Variants in MELTF observed in about 807,000 individuals in gnomAD.
MELTF encodes melanotransferrin, also known as antigen p97 (melanoma associated) identified by monoclonal antibodies 133.2 and 96.5.
In MELTF, 67 loss-of-function variants were observed where a neutral mutation model predicts 83.7. That is an observed-to-expected ratio of 0.80 (90% CI 0.66 to 0.98). The LOEUF is 0.98. Among genes scored for constraint, MELTF ranks in the 50% least tolerant of loss-of-function variants. MELTF has a pLI of 0.00. For missense variants in MELTF, 1,002 were observed against 1,035.6 expected (o/e 0.97, Z 0.44); for synonymous variants, 462 against 447.6 (o/e 1.03, Z -0.41).
At chr3:197,019,916 T>A (rs1719553111) in intron 6 of MELTF, 1 of 1,397,100 alleles carries the variant, frequency 7.2e-7, no homozygotes, top group Admixed American at 2.8e-5. Flanking sequence ...GTGTGTTTGC[T>A]GCTTGCTGGC....
chr3:197,010,553 G>C, intron 10 of MELTF, 145 bp downstream of exon 10: 1 of 663,890 alleles, frequency 1.5e-6, no homozygotes, highest in Non-Finnish European at 2.6e-6. Flanking sequence ...GCCTGGGGCA[G>C]GAGGGGCAGG....
chr3:197,007,663 G>A lies in MELTF; in HGVS notation c.1751-927C>T, dbSNP rs1249965457. Among the ~76,000 whole-genome samples, 1 of 152,198 alleles carries A rather than the reference G, an allele frequency of 6.6e-6. No homozygotes were observed. The highest frequency in any genetic ancestry group is 1.9e-4 in the East Asian group (1 of 5,186). On this transcript the variant is annotated intron_variant, in intron 13 of 15. Transcript: ENST00000296350. The surrounding 1 kb of genome is among the most constrained non-coding windows in gnomAD (Gnocchi z 4.3). The stretch of plus-strand genomic sequence containing the variant: ...TGTTCTTGGTAGGAGGCTGGGTGGG[G>A]GAGCTGGGCTGTGGCAACAGGAAGG...
chr3:197,017,884 A>C (rs1577938229), intron 6 of MELTF, among the ~76,000 whole-genome samples: 1 of 152,148 alleles, frequency 6.6e-6, no homozygotes, highest in South Asian at 2.1e-4. Flanking sequence ...CTCAAAAAAA[A>C]AGAAAGGCTT....
Position 197,015,482 on chromosome 3 carries a change from G to A in MELTF, c.1116C>T (p.Ser372=). The change falls in exon 9 of 16, where the codon TCC becomes TCT. Residue 372 remains serine (S), a synonymous_variant. Transcript: ENST00000296350. ...LPPYLRWCVL[S]TPEIQKCGDM... is the part of the protein sequence containing the mutation. Reference sequence around the variant, plus strand: ...CTCCACACTTCTGGATCTCGGGAGTGGAGAGCACACACCAGCGCAGGTAGG... The same window carrying A: ...CTCCACACTTCTGGATCTCGGGAGTAGAGAGCACACACCAGCGCAGGTAGG... The A allele has an allele frequency of 6.2e-7, 1 of 1,612,148 alleles. No individual in the cohort carries two copies. The highest frequency in any genetic ancestry group is 8.5e-7 in the Non-Finnish European group (1 of 1,179,460).
At chr3:197,027,650 GC>G (rs1719911290) in intron 2 of MELTF, 105 bp downstream of exon 2, 13 of 1,364,594 alleles carry the variant, frequency 9.5e-6, no homozygotes. Flanking sequence ...TATCGGCCGG[GC>G]CTGGCAGGGC....
intron 6 of MELTF, 52 bp from the exon 7 acceptor site, chr3:197,017,342 G>A (rs1437884962): frequency 1.4e-6 from 2 of 1,453,032 alleles, no homozygotes; most frequent in Admixed American, 2.6e-5. Context: ...GTTGGGGCGG[G>A]TGGCGGGGAA....
At chr3:197,005,018 T>C (rs1718927188) in intron 14 of MELTF, among the ~76,000 whole-genome samples, 1 of 152,198 alleles carries the variant, frequency 6.6e-6, no homozygotes, top group African/African-American at 2.4e-5. Flanking sequence ...CATGCGTCAG[T>C]TCACAATGTC....
In MELTF at chr3:197,006,439, G is replaced by A. The variant is rs953177296; in HGVS notation, c.1938+110C>T. On this transcript the variant is annotated intron_variant, in intron 14 of 15. Transcript: ENST00000296350. The surrounding 1 kb of genome is among the most constrained non-coding windows in gnomAD (Gnocchi z 5.4). ...AAGTGAAAATCACAGAATTTCCCCC[G>A]GGCTTCCTCAATTTCTCTAGAGGTC... 5.3e-6 allele frequency: 5 copies of A among 935,376 alleles called. No individual in the cohort carries two copies. Among genetic ancestry groups the A allele is most frequent in the East Asian group, 6.2e-5 (2 of 32,030 alleles). The allele number at this position is 935,376 out of a possible 1,614,324, so 57.9% of individuals were successfully genotyped here. A position where few individuals can be genotyped will look rare whatever the true frequency, so the allele number is the denominator to read the frequency against.
In MELTF at chr3:197,011,707, G is replaced by A. The variant is rs953046674; in HGVS notation, c.1234-913C>T. Reference sequence around the variant, plus strand: ...ACACAGACCCTGCACCACAGCCCAGGGCGCTTCTGGCTGATGGTCCCTTCC... The same window carrying A: ...ACACAGACCCTGCACCACAGCCCAGAGCGCTTCTGGCTGATGGTCCCTTCC... On this transcript the variant is annotated intron_variant, in intron 9 of 15. Transcript: ENST00000296350. This position sits in a 1 kb window ranked among gnomAD's most constrained non-coding sequence, Gnocchi z 4.2. 2.6e-5 allele frequency among the ~76,000 whole-genome samples: 4 copies of A among 152,142 alleles called. No homozygotes were observed. Among genetic ancestry groups the A allele is most frequent in the Non-Finnish European group, 5.9e-5 (4 of 68,008 alleles).
rs79783244 is a variant in MELTF at position 197,015,042 on chromosome 3, G to A, written c.1233+323C>T. The stretch of plus-strand genomic sequence containing the variant: ...AGGGGCTTGCCCCAGGCTACAGGGC[G>A]TCAGTGCCCAGCTGGGCCAGCGCTT... On this transcript the variant is annotated intron_variant, in intron 9 of 15. Transcript: ENST00000296350. Among the ~76,000 whole-genome samples the A allele has an allele frequency of 5.3e-3, 806 of 152,352 alleles. 9 individuals are homozygous for A. The highest frequency in any genetic ancestry group is 0.019 in the African/African-American group (770 of 41,570).
Position 197,008,710 on chromosome 3 carries a change from T to C in MELTF, c.1697A>G (p.Asn566Ser). 6.2e-7 allele frequency: 1 copy of C among 1,614,116 alleles called. No homozygotes were observed. Among genetic ancestry groups the C allele is most frequent in the Non-Finnish European group, 8.5e-7 (1 of 1,180,006 alleles). ...YRGAFRCLVENAGDVAFVRHT... is the reference protein window; with the variant it reads ...YRGAFRCLVESAGDVAFVRHT... Reference sequence around the variant, plus strand: ...CCTGACGAAGGCAACGTCACCCGCATTCTCCACCAGGCACCTGCCACACAG... The same window carrying C: ...CCTGACGAAGGCAACGTCACCCGCACTCTCCACCAGGCACCTGCCACACAG... Residue 566 changes from asparagine (N) to serine (S), a missense_variant, in exon 13 of 16, where the codon AAT becomes AGT. Asn to Ser is a conservative substitution (Grantham distance 46). Coordinates refer to ENST00000296350, the MANE Select transcript of MELTF (RefSeq NM_005929.6). The surrounding 1 kb of genome is among the most constrained non-coding windows in gnomAD (Gnocchi z 5.4).
In MELTF at chr3:197,029,294, C is replaced by G. The variant is rs1222101449; in HGVS notation, c.49+360G>C. The G allele has an allele frequency of 4.4e-6, 1 of 225,104 alleles. No homozygotes were observed. The highest frequency in any genetic ancestry group is 5.8e-5 in the Admixed American group (1 of 17,336). 13.9% of individuals were successfully genotyped at this position (225,104 alleles called of 1,614,324 possible). On this transcript the variant is annotated intron_variant, in intron 1 of 15. Coordinates refer to ENST00000296350, the MANE Select transcript of MELTF (RefSeq NM_005929.6). This position sits in a 1 kb window ranked among gnomAD's most constrained non-coding sequence, Gnocchi z 6.5. Reference sequence around the variant, plus strand: ...TCCCGCGGGGGCTCGGGAGAAAGAGCTGCTCCGAGCCCCCAAAGTCTTCCT... The same window carrying G: ...TCCCGCGGGGGCTCGGGAGAAAGAGGTGCTCCGAGCCCCCAAAGTCTTCCT...
At chr3:197,010,312 G>A (rs1719142067) in intron 10 of MELTF, among the ~76,000 whole-genome samples, 1 of 152,268 alleles carries the variant, frequency 6.6e-6, no homozygotes, top group Non-Finnish European at 1.5e-5. Context: ...TTCCATGGCT[G>A]CTTAGGGCCA....
intron 11 of MELTF, 26 bp downstream of exon 11, chr3:197,009,592 C>T: frequency 6.3e-7 from 1 of 1,591,270 alleles, no homozygotes; most frequent in East Asian, 2.3e-5. Flanking sequence ...CTTCCCCAGT[C>T]TGCGTTCCTA....
Position 197,024,628 on chromosome 3 carries a change from A to G in MELTF, c.305-143T>C. The stretch of plus-strand genomic sequence containing the variant: ...CGGATGTGTGCATAGCGTTCTCGTT[A>G]CCAAGAGAGCAAGTGGGCTTCATCT... On this transcript the variant is annotated intron_variant, in intron 3 of 15. Coordinates refer to ENST00000296350, the MANE Select transcript of MELTF (RefSeq NM_005929.6). This position sits in a 1 kb window ranked among gnomAD's most constrained non-coding sequence, Gnocchi z 5.3. 1 of 577,470 alleles carries G rather than the reference A, an allele frequency of 1.7e-6. No individual in the cohort carries two copies. The allele number at this position is 577,470 out of a possible 1,614,324, so 35.8% of individuals were successfully genotyped here.
intron 6 of MELTF, among the ~76,000 whole-genome samples, chr3:197,018,607 T>C (rs1484117022): frequency 1.3e-5 from 2 of 152,078 alleles, no homozygotes; most frequent in Non-Finnish European, 2.9e-5. Flanking sequence ...CCAAGATGCC[T>C]GGCTAATTTT....
chr3:197,003,299 C>G lies in MELTF; in HGVS notation c.*73G>C, dbSNP rs1272145010. 2.9e-6 allele frequency: 3 copies of G among 1,034,418 alleles called. No individual in the cohort carries two copies. The African/African-American group carries it at 5.2e-5, about 18-fold the overall frequency. 64.1% of individuals were successfully genotyped at this position (1,034,418 alleles called of 1,614,324 possible). On this transcript the variant is annotated 3_prime_UTR_variant, in exon 16 of 16. Coordinates refer to ENST00000296350, the MANE Select transcript of MELTF (RefSeq NM_005929.6). The surrounding 1 kb of genome is among the most constrained non-coding windows in gnomAD (Gnocchi z 6.2). Reference sequence around the variant, plus strand: ...GGGCCCGGCCTTCGCGAGCTTCCTTCTGGATTCCAGCGCGAAGCCGCCGCG... The same window carrying G: ...GGGCCCGGCCTTCGCGAGCTTCCTTGTGGATTCCAGCGCGAAGCCGCCGCG...
Position 197,006,690 on chromosome 3 carries a change from A to G in MELTF, c.1797T>C (p.Tyr599=). 1 of 1,582,434 alleles carries G rather than the reference A, an allele frequency of 6.3e-7. No homozygotes were observed. Among genetic ancestry groups the G allele is most frequent in the Non-Finnish European group, 8.6e-7 (1 of 1,165,114 alleles). Reference sequence around the variant, plus strand: ...GGGCCCCGTTGGGGCACAGCAGTTCATAGTCCTCTGACCTGAGCTCAGCAG... The same window carrying G: ...GGGCCCCGTTGGGGCACAGCAGTTCGTAGTCCTCTGACCTGAGCTCAGCAG... ...PWAAELRSED[Y]ELLCPNGARA... The change falls in exon 14 of 16, where the codon TAT becomes TAC. Residue 599 remains tyrosine (Y), a synonymous_variant. Transcript: ENST00000296350. This position sits in a 1 kb window ranked among gnomAD's most constrained non-coding sequence, Gnocchi z 5.4.
At chr3:197,013,519 G>T (rs9858015) in intron 9 of MELTF, among the ~76,000 whole-genome samples, 9,562 of 152,204 alleles carry the variant, frequency 0.063, 656 homozygotes, top group African/African-American at 0.17. Flanking sequence ...AATAAGCAAA[G>T]GGAATTGTAT....
Sources: gnomAD v4.1 joint callset for allele counts (sites outside exome capture counted in the v4.1 genomes callset) on GRCh38, gnomAD v4.1.1 for gene constraint, Gnocchi (gnomAD v3.1) non-coding constraint, MANE v1.5 for transcripts, NCBI Gene and HGNC (gene_info 2026-07-23, HGNC 2026-07-21) for gene names.